GLI2: variants seen among roughly 807,000 people sequenced by gnomAD.
GLI2 encodes the protein transcription activator GLI2.
In GLI2, 22 loss-of-function variants were observed where a neutral mutation model predicts 78.9. That is an observed-to-expected ratio of 0.28 (90% CI 0.20 to 0.40). The LOEUF (loss-of-function observed/expected upper bound fraction) is 0.40, where lower values mean the gene tolerates loss of function less well. Ranked by LOEUF, GLI2 falls within the 10% of genes least tolerant of loss-of-function variation. The pLI is 1.00. For missense variants in GLI2, 2,097 were observed against 2,213.2 expected, an observed-to-expected ratio of 0.95 and a Z score of 1.05; for synonymous variants, 974 against 963.7, an observed-to-expected ratio of 1.01 and a Z score of -0.20.
rs150819808 is a variant in GLI2 at position 120,753,870 on chromosome 2, C to G, written c.-31+17585C>G. On this transcript the variant is annotated intron_variant, in intron 1 of 13. Transcript: ENST00000361492. ...CTTGGCTCACGCGGTGAGCCGAGAT[C>G]GCGCCACTGCACTCCAGCCTGGGCG... 6.0e-5 allele frequency among the ~76,000 whole-genome samples: 9 copies of G among 148,928 alleles called. No homozygotes were observed. In the South Asian group the frequency reaches 1.7e-3, roughly 28 times the overall value.
chr2:120,863,080 T>C (rs1224632214), intron 2 of GLI2, among the ~76,000 whole-genome samples: 1 of 152,220 alleles, frequency 6.6e-6, no homozygotes, highest in African/African-American at 2.4e-5. Flanking sequence ...GAAGGGGCTA[T>C]TGCTGTGGTT....
intron 2 of GLI2, among the ~76,000 whole-genome samples, chr2:120,894,964 TG>T (rs1190792621): frequency 6.6e-6 from 1 of 152,030 alleles, no homozygotes; most frequent in Non-Finnish European, 1.5e-5. Flanking sequence ...CCCAAAGTTC[TG>T]GGATTACAGG....
At chr2:120,823,733 C>T (rs1046467675) in intron 2 of GLI2, among the ~76,000 whole-genome samples, 2 of 152,096 alleles carry the variant, frequency 1.3e-5, no homozygotes, top group African/African-American at 2.4e-5. Context: ...GGTGGAGTCC[C>T]GGGGATGTCT....
rs527834289 is a variant in GLI2, at chr2:120,963,463, G to A, written c.644-5251G>A. Among the ~76,000 whole-genome samples, 8 of 152,314 alleles carry A rather than the reference G, an allele frequency of 5.3e-5. No individual in the cohort carries two copies. The South Asian group carries it at 6.2e-4, about 12-fold the overall frequency. On this transcript the variant is annotated intron_variant, in intron 5 of 13. Coordinates refer to ENST00000361492, the MANE Select transcript of GLI2 (RefSeq NM_001374353.1). The stretch of plus-strand genomic sequence containing the variant: ...TGTGTGTGTGTGTGTGTGCGCGCAC[G>A]CGCATCCACCTGGGGTATGTGTCTC...
intron 2 of GLI2, among the ~76,000 whole-genome samples, chr2:120,913,254 T>C (rs1319381941): frequency 6.6e-6 from 1 of 152,172 alleles, no homozygotes; most frequent in Non-Finnish European, 1.5e-5. Context: ...GAGCTGTGTG[T>C]GGCTGAGTGC....
chr2:120,806,087 T>C (rs4848633), intron 2 of GLI2, among the ~76,000 whole-genome samples: 142,626 of 152,318 alleles, frequency 0.94, 66,920 homozygotes, highest in East Asian at 1. Context: ...GGCCCCTGTT[T>C]CCTGCATTCT....
At chr2:120,887,177 G>A (rs531279188) in intron 2 of GLI2, among the ~76,000 whole-genome samples, 48 of 152,292 alleles carry the variant, frequency 3.2e-4, no homozygotes, top group South Asian at 2.1e-4. Flanking sequence ...CACATGGCAA[G>A]TGGTAGATGT....
intron 1 of GLI2, among the ~76,000 whole-genome samples, chr2:120,766,316 G>A (rs984521117): frequency 3.3e-5 from 5 of 151,942 alleles, no homozygotes; most frequent in Admixed American, 6.6e-5. Flanking sequence ...GCATACCCTC[G>A]CAGGCCCCAT....
chr2:120,920,476 C>T (rs376416733), intron 2 of GLI2, among the ~76,000 whole-genome samples: 1 of 152,212 alleles, frequency 6.6e-6, no homozygotes. Context: ...GCCAGGTTTC[C>T]GGGGAAGGGC....
chr2:120,817,634 C>T (rs888912346), intron 2 of GLI2, among the ~76,000 whole-genome samples: 3 of 152,188 alleles, frequency 2.0e-5, no homozygotes, highest in South Asian at 2.1e-4. Context: ...GGAAACTCAT[C>T]GCGGGGGCAC....
chr2:120,944,444 G>A (rs1020689091), intron 3 of GLI2, among the ~76,000 whole-genome samples: 2 of 152,230 alleles, frequency 1.3e-5, no homozygotes, highest in Non-Finnish European at 2.9e-5. Context: ...GGCTGCAACA[G>A]CACCAAAGCC....
chr2:120,768,993 C>T (rs1683448895), intron 1 of GLI2, among the ~76,000 whole-genome samples: 1 of 152,232 alleles, frequency 6.6e-6, no homozygotes, highest in Admixed American at 6.5e-5. Flanking sequence ...GGAACTTTGA[C>T]AGCCTTCCCC....
chr2:120,975,599 G>C (rs576036505), intron 9 of GLI2, among the ~76,000 whole-genome samples: 1 of 152,324 alleles, frequency 6.6e-6, no homozygotes, highest in East Asian at 1.9e-4. Flanking sequence ...AGTGGATATG[G>C]GTGCAGGTGG....
At chr2:120,980,525 G>T (rs1394370497) in intron 10 of GLI2, among the ~76,000 whole-genome samples, 1 of 152,198 alleles carries the variant, frequency 6.6e-6, no homozygotes, top group East Asian at 1.9e-4. Context: ...CATATATCTG[G>T]TTACTAGACC....
chr2:120,896,305 C>G (rs1161602201), intron 2 of GLI2, among the ~76,000 whole-genome samples: 1 of 152,020 alleles, frequency 6.6e-6, no homozygotes, highest in Non-Finnish European at 1.5e-5. Flanking sequence ...CTCAGACACA[C>G]CAGGGGTGTG....
intron 2 of GLI2, among the ~76,000 whole-genome samples, chr2:120,810,934 A>G (rs2104725906): frequency 6.6e-6 from 1 of 152,242 alleles, no homozygotes; most frequent in Non-Finnish European, 1.5e-5. Context: ...TGTGCCTGAT[A>G]CCCATGAGCT....
At position 120,896,456 on chromosome 2, in the gene GLI2, T is replaced by TG. The variant is rs58730327; in HGVS notation, c.149-30898dup. Among the ~76,000 whole-genome samples, 161 of 151,810 alleles carry TG rather than the reference T, an allele frequency of 1.1e-3. 2 individuals are homozygous for TG. The East Asian group carries it at 0.028, about 26-fold the overall frequency. ...ATTAGCCAGGCCCACCAAGCTGGGGTGGGGGGGTATTGACAGTAATAAGGA... is the reference window on the plus strand; with the variant it reads ...ATTAGCCAGGCCCACCAAGCTGGGGTGGGGGGGGTATTGACAGTAATAAGGA... On this transcript the variant is annotated intron_variant, in intron 2 of 13. Coordinates refer to ENST00000361492, the MANE Select transcript of GLI2 (RefSeq NM_001374353.1).
At chr2:120,967,567 G>A (rs1356618638) in intron 5 of GLI2, among the ~76,000 whole-genome samples, 1 of 152,232 alleles carries the variant, frequency 6.6e-6, no homozygotes, top group Non-Finnish European at 1.5e-5. Context: ...TCTGGGGCAA[G>A]CCCTCTTCCC....
chr2:120,888,141 C>T (rs1426802701), intron 2 of GLI2, among the ~76,000 whole-genome samples: 1 of 152,118 alleles, frequency 6.6e-6, no homozygotes, highest in Admixed American at 6.5e-5. Flanking sequence ...GGCTGGATGC[C>T]GAAAAGAAAC....
Sources: gnomAD v4.1 joint callset for allele counts (sites outside exome capture counted in the v4.1 genomes callset) on GRCh38, gnomAD v4.1.1 for gene constraint, MANE v1.5 for transcripts, NCBI Gene and HGNC (gene_info 2026-07-23, HGNC 2026-07-21) for gene names.